STAG3: variants seen among roughly 807,000 people sequenced by gnomAD.
The protein encoded by STAG3 is STAG3 cohesin complex component.
A neutral mutation model predicts 160.7 loss-of-function variants in STAG3; 101 were observed. The ratio of observed to expected loss-of-function variants is 0.63; its 90% CI spans 0.54 to 0.74. STAG3 has a LOEUF of 0.74. STAG3 is among the 30% of genes least tolerant of loss of function. The probability of loss-of-function intolerance (pLI) is 0.00; values close to 1 mark genes in which losing one functional copy is unlikely to be tolerated. For missense variants in STAG3, 1,188 were observed against 1,517.4 expected, an observed-to-expected ratio of 0.78 and a Z score of 3.61; for synonymous variants, 519 against 585.0, an observed-to-expected ratio of 0.89 and a Z score of 1.63.
chr7:100,213,895 G>A (rs762185153), intron 33 of STAG3, 89 bp downstream of exon 33: 1 of 1,613,018 alleles, frequency 6.2e-7, no homozygotes, highest in Admixed American at 1.7e-5. Context: ...CCATAGCCTG[G>A]GGGTGGCCCT....
chr7:100,205,968 A>G (rs989182995), intron 29 of STAG3, among the ~76,000 whole-genome samples: 2 of 152,002 alleles, frequency 1.3e-5, no homozygotes, highest in Non-Finnish European at 2.9e-5. Flanking sequence ...ATTGTTTTTT[A>G]CCTTCAGATC....
intron 24 of STAG3, 37 bp from the exon 25 acceptor site, chr7:100,202,417 A>C (rs770766325): frequency 6.2e-7 from 1 of 1,610,412 alleles, no homozygotes; most frequent in Non-Finnish European, 8.5e-7. Flanking sequence ...CAGGAAGCTT[A>C]AGTCTGTGAT....
rs1172954673 is a variant in STAG3 at position 100,207,988 on chromosome 7, C to T, written c.3238+2604C>T. Among the ~76,000 whole-genome samples, 5 of 151,950 alleles carry T rather than the reference C, an allele frequency of 3.3e-5. No homozygotes were observed. In the East Asian group the frequency reaches 5.8e-4, roughly 18 times the overall value. On this transcript the variant is annotated intron_variant, in intron 29 of 33. Coordinates refer to ENST00000615138, the MANE Select transcript of STAG3 (RefSeq NM_001282717.2). The surrounding 1 kb of genome is among the most constrained non-coding windows in gnomAD (Gnocchi z 4.0). Reference sequence around the variant, plus strand: ...AAAATTAGCCAGGCATGATGGTGGGCGCCTGTAGTCCCAGCCACTCGGGAG... The same window carrying T: ...AAAATTAGCCAGGCATGATGGTGGGTGCCTGTAGTCCCAGCCACTCGGGAG...
At position 100,178,574 on chromosome 7, in the gene STAG3, CT is replaced by C. The variant is rs572856194; in HGVS notation, c.-65+583del. The stretch of plus-strand genomic sequence containing the variant: ...CTGCCCTGCTGTCTGCCTTGCTTGG[CT>C]TTTTTTTTTTTTTCCATTTAATTTT... On this transcript the variant is annotated intron_variant, in intron 1 of 33. Coordinates refer to ENST00000615138, the MANE Select transcript of STAG3 (RefSeq NM_001282717.2). 8.4e-3 allele frequency among the ~76,000 whole-genome samples: 1,137 copies of C among 134,872 alleles called. 9 individuals are homozygous for C. Among genetic ancestry groups the C allele is most frequent in the African/African-American group, 0.021 (774 of 36,930 alleles). 88.5% of individuals were successfully genotyped at this position (134,872 alleles called of 152,430 possible). A position where few individuals can be genotyped will look rare whatever the true frequency, so the allele number is the denominator to read the frequency against.
At chr7:100,208,274 T>C (rs1380907936) in intron 29 of STAG3, among the ~76,000 whole-genome samples, 1 of 152,212 alleles carries the variant, frequency 6.6e-6, no homozygotes, top group Non-Finnish European at 1.5e-5. Flanking sequence ...AACTCTGCTT[T>C]AATTAATTAA....
chr7:100,217,542 GA>G (rs1187187501), downstream of STAG3, among the ~76,000 whole-genome samples: 1 of 152,028 alleles, frequency 6.6e-6, no homozygotes, highest in Non-Finnish European at 1.5e-5. Context: ...AGAGATAGAA[GA>G]AAAGACAGCT....
Position 100,200,516 on chromosome 7 carries a change from A to G in STAG3, c.1834A>G (p.Ile612Val). The change falls in exon 18 of 34, where the codon ATC becomes GTC. Residue 612 changes from isoleucine to valine, a missense_variant. Physicochemically the swap from Ile to Val is conservative, Grantham distance 29. Transcript: ENST00000615138. The part of the protein sequence containing the change: ...LQLLSCFDLH[I>V]YCTGRLEKHL... The stretch of plus-strand genomic sequence containing the variant: ...GCTTCTCAGCTGCTTTGACCTCCAC[A>G]TCTACTGCACTGGGCGCTTGGAGAA... 6.2e-7 allele frequency: 1 copy of G among 1,613,968 alleles called. No homozygotes were observed. Among genetic ancestry groups the G allele is most frequent in the African/African-American group, 1.3e-5 (1 of 75,028 alleles).
Position 100,198,819 on chromosome 7 carries a change from C to T in STAG3, c.1353-24C>T, listed in dbSNP as rs763145027. ...TCCTTGTTTCCTGTTGTGCTGAGCCCTTTCCTCGTGTCCATTCCACCAGAC... is the reference window on the plus strand; with the variant it reads ...TCCTTGTTTCCTGTTGTGCTGAGCCTTTTCCTCGTGTCCATTCCACCAGAC... On this transcript the variant is annotated intron_variant, in intron 13 of 33. Coordinates refer to ENST00000615138, the MANE Select transcript of STAG3 (RefSeq NM_001282717.2). The T allele has an allele frequency of 2.0e-5, 32 of 1,598,618 alleles. No homozygotes were observed. In the South Asian group the frequency reaches 3.5e-4, roughly 18 times the overall value.
At chr7:100,186,819 G>A (rs932037826) in intron 5 of STAG3, among the ~76,000 whole-genome samples, 12 of 152,158 alleles carry the variant, frequency 7.9e-5, no homozygotes, top group Non-Finnish European at 1.8e-4. Flanking sequence ...CTTATGTTAT[G>A]GCACAAATTT....
chr7:100,180,616 T>C lies in STAG3; in HGVS notation c.60T>C (p.Ser20=). The change falls in exon 2 of 34, where the codon TCT becomes TCC. Residue 20 remains serine (S), a synonymous_variant. Transcript: ENST00000615138. ...GDTKRALSAS[S]SSSASLPFDD... ...CCAAGAGGGCCTTGTCTGCATCTTC[T>C]AGTTCCTCTGCCAGTCTACCCTTTG... 4 of 1,613,758 alleles carry C rather than the reference T, an allele frequency of 2.5e-6. No individual in the cohort carries two copies. The highest frequency in any genetic ancestry group is 1.1e-5 in the South Asian group (1 of 91,080).
intron 16 of STAG3, chr7:100,200,017 G>A (rs1162706601): frequency 1.5e-5 from 7 of 463,976 alleles, no homozygotes; most frequent in Non-Finnish European, 2.3e-5. Context: ...AGTGAGCCAA[G>A]ATCACGCCAC....
chr7:100,194,937 C>G (rs1336146330), intron 8 of STAG3, among the ~76,000 whole-genome samples: 1 of 152,102 alleles, frequency 6.6e-6, no homozygotes, highest in Non-Finnish European at 1.5e-5. Context: ...AAAAATGGCA[C>G]TGATAGGTAT....
intron 25 of STAG3, 78 bp from the exon 26 acceptor site, chr7:100,203,943 T>G (rs1456484721): frequency 8.7e-6 from 8 of 914,704 alleles, no homozygotes; most frequent in Non-Finnish European, 1.3e-5. Flanking sequence ...GAGGGAGACA[T>G]GATTAGGGAT....
downstream of STAG3, among the ~76,000 whole-genome samples, chr7:100,217,107 C>T (rs905675822): frequency 3.3e-5 from 5 of 152,316 alleles, no homozygotes; most frequent in East Asian, 1.9e-4. Context: ...TCATGACTTA[C>T]AATGTTTTTA....
intron 6 of STAG3, 63 bp downstream of exon 6, chr7:100,188,592 C>T (rs1800172478): frequency 3.8e-6 from 5 of 1,320,710 alleles, no homozygotes; most frequent in Non-Finnish European, 5.5e-6. Flanking sequence ...CCTATTATCC[C>T]CTTCTTTTTG....
rs773040515 is a variant in STAG3 at position 100,198,109 on chromosome 7, T to G, written c.1187T>G (p.Met396Arg). 1.2e-6 allele frequency: 2 copies of G among 1,614,008 alleles called. No individual in the cohort carries two copies. The highest frequency in any genetic ancestry group is 2.2e-5 in the East Asian group (1 of 44,886). Residue 396 changes from methionine to arginine, a missense_variant, in exon 12 of 34, where the codon ATG (methionine) becomes AGG (arginine). By Grantham distance (91) the Met-to-Arg change is moderately conservative (BLOSUM62 -1). Around this residue, in one of 4 missense-constraint regions of STAG3, gnomAD observed 240 missense variants for 358.1 expected, o/e 0.67. Transcript: ENST00000615138. ...RFKDRMVSMVMDREYDVAVEA... is the reference protein window; with the variant it reads ...RFKDRMVSMVRDREYDVAVEA... ...CAGGACCGGATGGTTTCCATGGTCA[T>G]GGACAGAGAGTATGATGTGGCAGTG... is the stretch of plus-strand genomic sequence containing the variant.
Position 100,199,421 on chromosome 7 carries a change from TGGGA to T in STAG3, c.1573+59_1573+62del. On this transcript the variant is annotated intron_variant, in intron 15 of 33. Coordinates refer to ENST00000615138, the MANE Select transcript of STAG3 (RefSeq NM_001282717.2). ...GACCTTCCACCCCCTAGGGTGAAAC[TGGGA>T]GGGATTGCTTGCTTCACTTGTACAA... The T allele has an allele frequency of 3.2e-6, 5 of 1,563,982 alleles. No homozygotes were observed. The Admixed American group carries it at 5.1e-5, about 16-fold the overall frequency.
rs1482879979 is a variant in STAG3, at chr7:100,211,038, T to C, written c.3266T>C (p.Val1089Ala). ...CCTGCCAAGCCTAACAGAGAGGACGTCTCCTCGTCCCAGGAAGAAAGTCTG... is the reference window on the plus strand; with the variant it reads ...CCTGCCAAGCCTAACAGAGAGGACGCCTCCTCGTCCCAGGAAGAAAGTCTG... ...EGPAKPNRED[V>A]SSSQEESLQL... The change falls in exon 30 of 34, where the codon GTC (valine) becomes GCC (alanine). Residue 1089 changes from valine (V) to alanine (A), a missense_variant. Val to Ala is a moderately conservative substitution (Grantham distance 64). Around this residue, in one of 4 missense-constraint regions of STAG3, gnomAD observed 647 missense variants for 717.2 expected, o/e 0.90. Transcript: ENST00000615138. The C allele has an allele frequency of 6.2e-7, 1 of 1,613,698 alleles. No individual in the cohort carries two copies.
Position 100,178,937 on chromosome 7 carries a change from T to C in STAG3, c.-65+932T>C, listed in dbSNP as rs531454493. Reference sequence around the variant, plus strand: ...TCGACCTCCTGGGCTCAGGCGATCGTCCCGCTTCATTCTGCCGAGTAGCTG... The same window carrying C: ...TCGACCTCCTGGGCTCAGGCGATCGCCCCGCTTCATTCTGCCGAGTAGCTG... On this transcript the variant is annotated intron_variant, in intron 1 of 33. Coordinates refer to ENST00000615138, the MANE Select transcript of STAG3 (RefSeq NM_001282717.2). Among the ~76,000 whole-genome samples, 14 of 152,028 alleles carry C rather than the reference T, an allele frequency of 9.2e-5. No homozygotes were observed. In the South Asian group the frequency reaches 2.9e-3, roughly 32 times the overall value.
Sources: gnomAD v4.1 joint callset for allele counts (sites outside exome capture counted in the v4.1 genomes callset) on GRCh38, gnomAD v4.1.1 for gene constraint, gnomAD v4.1.1 regional missense constraint, Gnocchi (gnomAD v3.1) non-coding constraint, MANE v1.5 for transcripts, NCBI Gene and HGNC (gene_info 2026-07-23, HGNC 2026-07-21) for gene names.